The following ECSCR variants were observed in gnomAD, a reference collection of about 807,000 sequenced individuals.
The protein encoded by ECSCR is endothelial cell surface expressed chemotaxis and apoptosis regulator, also known as endothelial cell-specific chemotaxis regulator.
ECSCR carries 12 observed loss-of-function variants against 16.7 expected under a neutral mutation model. The observed-to-expected ratio is 0.72, with a 90% CI of 0.46 to 1.17. ECSCR has a LOEUF of 1.17. ECSCR is among the 50% of genes most tolerant of loss of function. The probability of loss-of-function intolerance (pLI) is 0.00; values close to 1 mark genes in which losing one functional copy is unlikely to be tolerated. For missense variants in ECSCR, 122 were observed against 116.1 expected (o/e 1.05, Z -0.23); for synonymous variants, 44 against 42.2 (o/e 1.04, Z -0.17).
chr5:139,462,547 C>T (rs754648342), intron 1 of ECSCR, 63 bp downstream of exon 1: 24 of 1,484,442 alleles, frequency 1.6e-5, no homozygotes, highest in Admixed American at 5.9e-5. Context: ...AGAAAGAGAC[C>T]GATGCCTAGA....
At chr5:139,451,354 T>G (rs372781620) in intron 8 of ECSCR, among the ~76,000 whole-genome samples, 79,795 of 150,364 alleles carry the variant, frequency 0.53, 25,139 homozygotes, top group Non-Finnish European at 0.71. Flanking sequence ...ATGTATAATA[T>G]GGGGTACATA....
At chr5:139,451,810 T>G (rs1408998219) in intron 8 of ECSCR, among the ~76,000 whole-genome samples, 3 of 139,384 alleles carry the variant, frequency 2.2e-5, no homozygotes, top group African/African-American at 8.2e-5. Flanking sequence ...TGTGGGTGGG[T>G]GTGTAGGGTA....
At position 139,462,612 on chromosome 5, in the gene ECSCR, C is replaced by T. The variant is rs766407853; in HGVS notation, c.59G>A (p.Arg20Gln). The T allele has an allele frequency of 3.8e-6, 6 of 1,596,430 alleles. No individual in the cohort carries two copies. The highest frequency in any genetic ancestry group is 2.3e-5 in the East Asian group (1 of 43,912). Residue 20 changes from arginine to glutamine, a missense_variant and splice_region_variant, in exon 1 of 10, where the codon CGA (arginine) becomes CAA (glutamine). Physicochemically the swap from Arg to Gln is conservative, Grantham distance 43. Coordinates refer to ENST00000618155, the MANE Select transcript of ECSCR (RefSeq NM_001077693.4). ...CWVILGFLLF[R>Q]GHNSQPTMTQ... ...GGAAAGCGGCAGGCACCTCTTACCT[C>T]GGAACAGGAGGAAGCCCAGGATCAC...
At chr5:139,455,528 C>T (rs1224339775) in intron 5 of ECSCR, 92 bp from the exon 6 acceptor site, 1 of 391,190 alleles carries the variant, frequency 2.6e-6, no homozygotes, top group Non-Finnish European at 4.5e-6. Flanking sequence ...TAGGGAAGGA[C>T]CAGAATTTAT....
intron 4 of ECSCR, among the ~76,000 whole-genome samples, chr5:139,456,925 A>T (rs1192858087): frequency 2.6e-5 from 4 of 152,178 alleles, no homozygotes; most frequent in African/African-American, 7.2e-5. Flanking sequence ...TGATGTGTAC[A>T]TCTGTGGCTT....
intron 6 of ECSCR, among the ~76,000 whole-genome samples, 194 bp downstream of exon 6, chr5:139,455,129 A>G (rs1723864565): frequency 6.6e-6 from 1 of 152,064 alleles, no homozygotes; most frequent in African/African-American, 2.4e-5. Flanking sequence ...TCCCTGCATG[A>G]GAACATGGAA....
chr5:139,451,258 T>C (rs1229849901), intron 8 of ECSCR, among the ~76,000 whole-genome samples: 1 of 144,562 alleles, frequency 6.9e-6, no homozygotes, highest in Non-Finnish European at 1.5e-5. Flanking sequence ...GTGTGTATGG[T>C]ATGGGAGTGT....
chr5:139,455,073 C>G, intron 6 of ECSCR, 150 bp from the exon 7 acceptor site: 1 of 245,680 alleles, frequency 4.1e-6, no homozygotes, highest in Non-Finnish European at 6.3e-6. Context: ...GGTGAGCTCT[C>G]AGCCTGCCCG....
intron 8 of ECSCR, among the ~76,000 whole-genome samples, chr5:139,450,234 G>A (rs1313212869): frequency 6.6e-6 from 1 of 152,052 alleles, no homozygotes; most frequent in Non-Finnish European, 1.5e-5. Flanking sequence ...GTAATGTCTC[G>A]GCTTACACCT....
intron 8 of ECSCR, among the ~76,000 whole-genome samples, chr5:139,452,484 GTGTGTGGTGTGTT>G: frequency 6.7e-6 from 1 of 149,532 alleles, no homozygotes; most frequent in Non-Finnish European, 1.5e-5. Flanking sequence ...GGGGTGTGGA[GTGTGTGGTGTGTT>G]TGTGATGTGT....
chr5:139,450,039 C>T (rs1376844286), intron 8 of ECSCR, among the ~76,000 whole-genome samples: 1 of 152,110 alleles, frequency 6.6e-6, no homozygotes, highest in Admixed American at 6.5e-5. Flanking sequence ...GGATTATAGG[C>T]ACCTGCCACC....
chr5:139,458,423 G>A (rs866913438), intron 1 of ECSCR, among the ~76,000 whole-genome samples: 7 of 139,444 alleles, frequency 5.0e-5, no homozygotes, highest in African/African-American at 8.2e-5. Context: ...GAGACCAGAA[G>A]GTTGAGGCTG....
At chr5:139,455,250 T>TC (rs1412800698) in intron 6 of ECSCR, 73 bp downstream of exon 6, 397,726 of 397,732 alleles carry the variant, frequency 1, 198,860 homozygotes, top group Middle Eastern at 1. Context: ...AACTTGCGTT[T>TC]CAGACCCAGA....
At chr5:139,458,041 GC>G in intron 2 of ECSCR, 97 bp downstream of exon 2, 1 of 1,360,548 alleles carries the variant, frequency 7.3e-7, no homozygotes, top group Admixed American at 2.0e-5. Flanking sequence ...TGCGGCCCCA[GC>G]CCCCTGAGGT....
Position 139,449,002 on chromosome 5 carries a change from C to T in ECSCR, c.609+76G>A, listed in dbSNP as rs1008947921. The T allele has an allele frequency of 1.8e-5, 27 of 1,532,396 alleles. No homozygotes were observed. In the South Asian group the frequency reaches 1.9e-4, roughly 11 times the overall value. The allele number at this position is 1,532,396 out of a possible 1,614,324, so 94.9% of individuals were successfully genotyped here. On this transcript the variant is annotated intron_variant, in intron 9 of 9. Coordinates refer to ENST00000618155, the MANE Select transcript of ECSCR (RefSeq NM_001077693.4). The stretch of plus-strand genomic sequence containing the variant: ...AAAGCCAGAGTCTTTGAAAGTATCT[C>T]CTTTCTGGCCTGAAAGTAGGAGGAG...
chr5:139,448,831 C>G lies in ECSCR; in HGVS notation c.*69G>C. Reference sequence around the variant, plus strand: ...TGTGGTTCATTGCCTCTACTAATTCCATCTCTTCCTCCTTGTAGTCACAGG... The same window carrying G: ...TGTGGTTCATTGCCTCTACTAATTCGATCTCTTCCTCCTTGTAGTCACAGG... On this transcript the variant is annotated 3_prime_UTR_variant, in exon 10 of 10. Coordinates refer to ENST00000618155, the MANE Select transcript of ECSCR (RefSeq NM_001077693.4). The G allele has an allele frequency of 6.5e-7, 1 of 1,530,566 alleles. No homozygotes were observed. The highest frequency in any genetic ancestry group is 1.2e-5 in the South Asian group (1 of 82,614). The allele number at this position is 1,530,566 out of a possible 1,614,324, so 94.8% of individuals were successfully genotyped here.
chr5:139,455,415 G>T lies in ECSCR; in HGVS notation c.284C>A (p.Pro95His), dbSNP rs1473639575. Residue 95 changes from proline to histidine, a missense_variant, in exon 6 of 10, where the codon CCC (proline) becomes CAC (histidine). Pro to His is a moderately conservative substitution (Grantham distance 77). Transcript: ENST00000618155. ...GCTCAGGCTCATGGTGGTTGAATTG[G>T]GGGGAACAGTTTGAAATGTGTCTAA... ...TSRDTFQTVP[P>H]NSTTMSLSMR... The T allele has an allele frequency of 2.5e-6, 1 of 398,632 alleles. No homozygotes were observed. The highest frequency in any genetic ancestry group is 4.4e-6 in the Non-Finnish European group (1 of 226,088). 24.7% of individuals were successfully genotyped at this position (398,632 alleles called of 1,614,324 possible).
At position 139,462,701 on chromosome 5, in the gene ECSCR, G is replaced by A; in HGVS notation, c.-31C>T. 6.4e-7 allele frequency: 1 copy of A among 1,554,798 alleles called. No individual in the cohort carries two copies. Among genetic ancestry groups the A allele is most frequent in the Non-Finnish European group, 8.7e-7 (1 of 1,150,644 alleles). On this transcript the variant is annotated 5_prime_UTR_variant, in exon 1 of 10. Transcript: ENST00000618155. ...CTGGGTATGTGGCGGGCAGGCAGCA[G>A]CTCAGTGGAGGCTCTGTCCATAGTG...
intron 1 of ECSCR, among the ~76,000 whole-genome samples, chr5:139,461,624 C>T (rs1406887761): frequency 6.6e-6 from 1 of 152,172 alleles, no homozygotes; most frequent in Non-Finnish European, 1.5e-5. Context: ...AGCCCCAGAC[C>T]TGTGACTCTG....
Sources: gnomAD v4.1 joint callset for allele counts (sites outside exome capture counted in the v4.1 genomes callset) on GRCh38, gnomAD v4.1.1 for gene constraint, MANE v1.5 for transcripts, NCBI Gene and HGNC (gene_info 2026-07-23, HGNC 2026-07-21) for gene names.